The following SBNO1 variants were observed in gnomAD, a reference collection of about 807,000 sequenced individuals.
The protein encoded by SBNO1 is protein strawberry notch homolog 1.
SBNO1 carries 23 observed loss-of-function variants against 173.6 expected under a neutral mutation model. The ratio of observed to expected loss-of-function variants is 0.13; its 90% CI spans 0.10 to 0.19. The LOEUF (loss-of-function observed/expected upper bound fraction) is 0.19. Ranked by LOEUF, SBNO1 falls within the 10% of genes least tolerant of loss-of-function variation. SBNO1 has a pLI of 1.00. For missense variants in SBNO1, 1,238 were observed against 1,671.2 expected (o/e 0.74, Z 4.52); for synonymous variants, 632 against 571.5 (o/e 1.11, Z -1.51).
intron 16 of SBNO1, among the ~76,000 whole-genome samples, chr12:123,322,465 G>A (rs769975097): frequency 6.6e-6 from 1 of 152,086 alleles, no homozygotes; most frequent in Admixed American, 6.6e-5. Context: ...TCCTGGCTAA[G>A]TTTTTAATTT....
Position 123,309,340 on chromosome 12 carries a change from T to G in SBNO1, c.3600A>C (p.Gly1200=). 1 of 1,614,114 alleles carries G rather than the reference T, an allele frequency of 6.2e-7. No homozygotes were observed. The highest frequency in any genetic ancestry group is 8.5e-7 in the Non-Finnish European group (1 of 1,179,958). ...ATGACAAGTAAAAGCCATCGTCTGG[T>G]CCTGTCAGCTCAGCCCAAATCTTGG... ...EATKIWAELT[G]PDDGFYLSLQ... is the part of the protein sequence containing the mutation. Residue 1200 remains glycine (G), a synonymous_variant, in exon 28 of 32, where the codon GGA becomes GGC. Transcript: ENST00000602398.
In SBNO1 at chr12:123,323,771, A is replaced by G. The variant is rs751552834; in HGVS notation, c.2034T>C (p.Tyr678=). The G allele has an allele frequency of 1.9e-6, 3 of 1,613,016 alleles. No individual in the cohort carries two copies. The highest frequency in any genetic ancestry group is 2.5e-6 in the Non-Finnish European group (3 of 1,179,524). ...HFPAPDRKKL[Y]SLLGIDLTAP... ...CTGTCAAATCGATTCCTAGTAAACTATAAAGTTTTTTCCTGTCTGGAGCAG... is the reference window on the plus strand; with the variant it reads ...CTGTCAAATCGATTCCTAGTAAACTGTAAAGTTTTTTCCTGTCTGGAGCAG... Residue 678 remains tyrosine, a synonymous_variant, in exon 16 of 32, where the codon TAT becomes TAC. Coordinates refer to ENST00000602398, the MANE Select transcript of SBNO1 (RefSeq NM_001167856.3).
intron 2 of SBNO1, among the ~76,000 whole-genome samples, chr12:123,350,034 G>A (rs376794322): frequency 2.0e-5 from 3 of 152,094 alleles, no homozygotes; most frequent in Non-Finnish European, 4.4e-5. Flanking sequence ...GTTGGCAATC[G>A]CTTGAGCTCA....
intron 4 of SBNO1, among the ~76,000 whole-genome samples, 191 bp from the exon 5 acceptor site, chr12:123,341,279 T>G (rs775604006): frequency 7.2e-5 from 11 of 151,928 alleles, no homozygotes; most frequent in Non-Finnish European, 1.5e-4. Flanking sequence ...TGAAACCGCA[T>G]CTCTACTAAA....
At chr12:123,355,720 C>T (rs1874386119) in intron 1 of SBNO1, among the ~76,000 whole-genome samples, 1 of 152,120 alleles carries the variant, frequency 6.6e-6, no homozygotes, top group South Asian at 2.1e-4. Flanking sequence ...CAGGTCGAAG[C>T]TGCAGTGAGG....
At chr12:123,332,256 T>A (rs569443329) in intron 7 of SBNO1, among the ~76,000 whole-genome samples, 5 of 152,330 alleles carry the variant, frequency 3.3e-5, no homozygotes, top group Admixed American at 2.0e-4. Context: ...ATACCCCTTA[T>A]CAACACCTGC....
chr12:123,294,405 T>G lies in SBNO1; in HGVS notation c.*1503A>C, dbSNP rs933431896. 1 of 152,152 alleles carries G rather than the reference T, an allele frequency of 6.6e-6. No individual in the cohort carries two copies. The highest frequency in any genetic ancestry group is 2.4e-5 in the African/African-American group (1 of 41,432). The allele number at this position is 152,152 out of a possible 1,614,324, so 9.4% of individuals were successfully genotyped here. Reference sequence around the variant, plus strand: ...TCAATGCCATCTTACATTTTAGGGATAAGTTTTAAGCCAAACTATAAGGCT... The same window carrying G: ...TCAATGCCATCTTACATTTTAGGGAGAAGTTTTAAGCCAAACTATAAGGCT... On this transcript the variant is annotated 3_prime_UTR_variant, in exon 32 of 32. Coordinates refer to ENST00000602398, the MANE Select transcript of SBNO1 (RefSeq NM_001167856.3).
chr12:123,350,218 C>T, intron 2 of SBNO1, 92 bp downstream of exon 2: 1 of 1,433,906 alleles, frequency 7.0e-7, no homozygotes, highest in Non-Finnish European at 9.6e-7. Context: ...TGCACCACTG[C>T]ACCCCAGCCT....
At chr12:123,305,772 C>T (rs1173378318) in intron 28 of SBNO1, among the ~76,000 whole-genome samples, 1 of 152,058 alleles carries the variant, frequency 6.6e-6, no homozygotes, top group African/African-American at 2.4e-5. Context: ...CACGCCTGGC[C>T]TATTTTTAAC....
intron 1 of SBNO1, among the ~76,000 whole-genome samples, chr12:123,362,606 T>C (rs1875460168): frequency 6.8e-6 from 1 of 147,102 alleles, no homozygotes; most frequent in Non-Finnish European, 1.5e-5. Context: ...TTCTGCCAAC[T>C]ACATAAAAAA....
intron 28 of SBNO1, among the ~76,000 whole-genome samples, chr12:123,306,649 A>T (rs958071292): frequency 3.3e-5 from 5 of 152,042 alleles, no homozygotes; most frequent in Non-Finnish European, 7.4e-5. Context: ...GCCCAGGAGG[A>T]GTTCGAGACT....
chr12:123,327,659 A>G (rs1172350576), intron 12 of SBNO1, 48 bp downstream of exon 12: 2 of 1,586,576 alleles, frequency 1.3e-6, no homozygotes, highest in Admixed American at 1.7e-5. Context: ...GGAATAACAC[A>G]CTTCTTAGAT....
At chr12:123,351,214 G>A (rs949531266) in intron 1 of SBNO1, among the ~76,000 whole-genome samples, 6 of 152,128 alleles carry the variant, frequency 3.9e-5, no homozygotes, top group Admixed American at 2.0e-4. Flanking sequence ...GGCAGGAAAC[G>A]GCAAGAGGTG....
chr12:123,344,880 G>A (rs147448758), intron 4 of SBNO1, among the ~76,000 whole-genome samples: 119 of 152,170 alleles, frequency 7.8e-4, no homozygotes, highest in African/African-American at 2.7e-3. Context: ...AGAATTGTGG[G>A]CTCTACTGAG....
chr12:123,348,568 C>A (rs1178645282), intron 2 of SBNO1, among the ~76,000 whole-genome samples: 2 of 152,128 alleles, frequency 1.3e-5, no homozygotes, highest in Non-Finnish European at 2.9e-5. Flanking sequence ...AGATCGAGAC[C>A]ATCCTGGCTA....
chr12:123,317,106 G>T, intron 21 of SBNO1, 115 bp downstream of exon 21: 1 of 1,079,204 alleles, frequency 9.3e-7, no homozygotes, highest in Non-Finnish European at 1.4e-6. Flanking sequence ...CCGAAATGTT[G>T]GAATTACAGG....
chr12:123,306,425 G>A (rs1043778131), intron 28 of SBNO1, among the ~76,000 whole-genome samples: 1 of 152,142 alleles, frequency 6.6e-6, no homozygotes, highest in Non-Finnish European at 1.5e-5. Flanking sequence ...CACTCCTCAC[G>A]CCCAGCCACC....
intron 5 of SBNO1, among the ~76,000 whole-genome samples, 181 bp downstream of exon 5, chr12:123,340,807 C>G (rs1261845217): frequency 6.6e-6 from 1 of 152,050 alleles, no homozygotes; most frequent in Non-Finnish European, 1.5e-5. Flanking sequence ...CAAGTTTTAA[C>G]CACCCTGGTT....
chr12:123,340,131 T>C (rs572420766), intron 5 of SBNO1, among the ~76,000 whole-genome samples: 52 of 152,296 alleles, frequency 3.4e-4, no homozygotes, highest in East Asian at 2.1e-3. Flanking sequence ...TTAATCCAGA[T>C]GGTTGTCAAA....
Sources: allele counts gnomAD v4.1 joint callset (sites outside exome capture counted in the v4.1 genomes callset), GRCh38; gene constraint gnomAD v4.1.1; transcripts MANE v1.5; gene names NCBI Gene and HGNC (gene_info 2026-07-23, HGNC 2026-07-21).